Variants in BCKDHA observed in about 807,000 individuals in gnomAD.
The protein encoded by BCKDHA is 2-oxoisovalerate dehydrogenase subunit alpha, mitochondrial.
Under a neutral mutation model 52.2 loss-of-function variants are expected in BCKDHA, and 43 were observed. That is an observed-to-expected ratio of 0.82 (90% CI 0.64 to 1.06). BCKDHA has a LOEUF of 1.06. Among genes scored for constraint, BCKDHA ranks in the 50% least tolerant of loss-of-function variants. The pLI is 0.00. For missense variants in BCKDHA, 527 were observed against 621.3 expected (o/e 0.85, Z 1.61); for synonymous variants, 234 against 247.9 (o/e 0.94, Z 0.53).
rs141991700 is a variant in BCKDHA at position 41,424,540 on chromosome 19, C to A, written c.1270C>A (p.Gln424Lys). Reference sequence around the variant, plus strand: ...GATGCCCGCCCAGCTCCGCAAGCAGCAGGAGTCTCTGGCCCGCCACCTGCA... The same window carrying A: ...GATGCCCGCCCAGCTCCGCAAGCAGAAGGAGTCTCTGGCCCGCCACCTGCA... ...QEMPAQLRKQ[Q>K]ESLARHLQTY... Residue 424 changes from glutamine to lysine, a missense_variant, in exon 9 of 9, where the codon CAG becomes AAG. By Grantham distance (53) the Gln-to-Lys change is moderately conservative. Transcript: ENST00000269980. 6.2e-7 allele frequency: 1 copy of A among 1,614,162 alleles called. No homozygotes were observed. The highest frequency in any genetic ancestry group is 8.5e-7 in the Non-Finnish European group (1 of 1,180,018).
At chr19:41,412,409 TGGA>T (rs2039266132) in intron 3 of BCKDHA, among the ~76,000 whole-genome samples, 3 of 137,188 alleles carry the variant, frequency 2.2e-5, no homozygotes, top group East Asian at 2.1e-4. Flanking sequence ...ACTTTTGAGA[TGGA>T]GTTTTGCTCT....
At chr19:41,411,171 G>A (rs1290947128) in intron 3 of BCKDHA, among the ~76,000 whole-genome samples, 162 bp downstream of exon 3, 1 of 152,188 alleles carries the variant, frequency 6.6e-6, no homozygotes, top group Admixed American at 6.5e-5. Flanking sequence ...AAGTGTGAGA[G>A]CAGTCCTGCC....
intron 1 of BCKDHA, among the ~76,000 whole-genome samples, chr19:41,404,214 G>A (rs938829264): frequency 1.3e-5 from 2 of 151,976 alleles, no homozygotes; most frequent in African/African-American, 2.4e-5. Flanking sequence ...TCCTGGCTTC[G>A]AGTGAACTGC....
chr19:41,403,835 C>G (rs943929348), intron 1 of BCKDHA, among the ~76,000 whole-genome samples: 1 of 152,220 alleles, frequency 6.6e-6, no homozygotes, highest in Non-Finnish European at 1.5e-5. Flanking sequence ...GAGACAGAAC[C>G]AGATTCAAAC....
At chr19:41,406,935 C>G (rs1169521376) in intron 1 of BCKDHA, among the ~76,000 whole-genome samples, 1 of 152,114 alleles carries the variant, frequency 6.6e-6, no homozygotes, top group Non-Finnish European at 1.5e-5. Flanking sequence ...ACTATGTTGC[C>G]TAGGCTGATC....
At chr19:41,420,881 C>T (rs982394781) in intron 5 of BCKDHA, among the ~76,000 whole-genome samples, 1 of 152,224 alleles carries the variant, frequency 6.6e-6, no homozygotes, top group African/African-American at 2.4e-5. Flanking sequence ...GGAGCCCCTT[C>T]CTGTCCTCCG....
intron 1 of BCKDHA, among the ~76,000 whole-genome samples, chr19:41,405,118 GA>G (rs1425244502): frequency 1.3e-5 from 2 of 152,072 alleles, no homozygotes; most frequent in Non-Finnish European, 2.9e-5. Flanking sequence ...ACAATCATGA[GA>G]AATACTTACT....
At chr19:41,411,691 C>T (rs559823412) in intron 3 of BCKDHA, among the ~76,000 whole-genome samples, 4 of 152,258 alleles carry the variant, frequency 2.6e-5, no homozygotes, top group Non-Finnish European at 5.9e-5. Flanking sequence ...ATACTTTAGT[C>T]CCGGCAGTTG....
intron 1 of BCKDHA, among the ~76,000 whole-genome samples, chr19:41,404,223 G>C (rs1264666278): frequency 6.6e-6 from 1 of 152,032 alleles, no homozygotes; most frequent in Non-Finnish European, 1.5e-5. Flanking sequence ...CGAGTGAACT[G>C]CCTGCCCTGG....
At chr19:41,411,112 TG>T (rs1056149241) in intron 3 of BCKDHA, 103 bp downstream of exon 3, 12 of 1,298,676 alleles carry the variant, frequency 9.2e-6, no homozygotes, top group African/African-American at 7.3e-5. Context: ...GATTCTTTTT[TG>T]GGGGGGTTCC....
At position 41,397,887 on chromosome 19, in the gene BCKDHA, T is replaced by C. The variant is rs751351926; in HGVS notation, c.60T>C (p.Ala20=). The C allele has an allele frequency of 5.6e-6, 9 of 1,614,164 alleles. No homozygotes were observed. Among genetic ancestry groups the C allele is most frequent in the South Asian group, 5.5e-5 (5 of 91,086 alleles). The change falls in exon 1 of 9, where the codon GCT becomes GCC. Residue 20 remains alanine, a synonymous_variant. Transcript: ENST00000269980. ...GGCTAAACCGTGGTTTGAGCCAGGC[T>C]GCCCTCCTGCTGCTGCGGCAGCCTG... is the stretch of plus-strand genomic sequence containing the variant. The part of the protein sequence containing the change: ...VWRLNRGLSQ[A]ALLLLRQPGA...
At position 41,410,808 on chromosome 19, in the gene BCKDHA, G is replaced by C. The variant is rs1398036536; in HGVS notation, c.280G>C (p.Asp94His). ...RQGQIINPSEDPHLPKEKVLK... is the reference protein window; with the variant it reads ...RQGQIINPSEHPHLPKEKVLK... ...AGGCCAGATCATCAACCCCAGCGAG[G>C]ACCCCCACGTGAGAGGCGGCCTCCC... Residue 94 changes from aspartate to histidine, a missense_variant, in exon 2 of 9, where the codon GAC (aspartate) becomes CAC (histidine). Physicochemically the swap from Asp to His is moderately conservative, Grantham distance 81. Coordinates refer to ENST00000269980, the MANE Select transcript of BCKDHA (RefSeq NM_000709.4). The C allele has an allele frequency of 6.2e-7, 1 of 1,614,088 alleles. No homozygotes were observed. The highest frequency in any genetic ancestry group is 1.3e-5 in the African/African-American group (1 of 75,006).
At chr19:41,401,767 T>G (rs1347536314) in intron 1 of BCKDHA, among the ~76,000 whole-genome samples, 1 of 151,882 alleles carries the variant, frequency 6.6e-6, no homozygotes, top group Non-Finnish European at 1.5e-5. Context: ...GTGAATAGAG[T>G]CCCTACCCTG....
At chr19:41,409,729 C>T (rs2039231163) in intron 1 of BCKDHA, among the ~76,000 whole-genome samples, 1 of 151,668 alleles carries the variant, frequency 6.6e-6, no homozygotes, top group Non-Finnish European at 1.5e-5. Context: ...GAGGGGTTCT[C>T]CATTTTTATA....
intron 1 of BCKDHA, among the ~76,000 whole-genome samples, chr19:41,408,510 T>G (rs913282702): frequency 5.9e-5 from 9 of 152,150 alleles, no homozygotes; most frequent in African/African-American, 2.2e-4. Flanking sequence ...TGGGTTCATA[T>G]CCCTTTGAGC....
intron 3 of BCKDHA, among the ~76,000 whole-genome samples, chr19:41,413,324 T>C (rs1444295126): frequency 6.6e-6 from 1 of 151,578 alleles, no homozygotes; most frequent in Admixed American, 6.6e-5. Flanking sequence ...GGGACCTGAG[T>C]GCGTGTCTTT....
chr19:41,415,634 G>A (rs1474660165), intron 4 of BCKDHA: 1 of 152,160 alleles, frequency 6.6e-6, no homozygotes, highest in African/African-American at 2.4e-5. Flanking sequence ...ACACCAGAGT[G>A]CTGTTCTTTT....
chr19:41,419,722 G>A (rs931253731), intron 5 of BCKDHA, among the ~76,000 whole-genome samples: 8 of 143,500 alleles, frequency 5.6e-5, no homozygotes, highest in Admixed American at 1.4e-4. Flanking sequence ...GATTACAGGC[G>A]TTTAAGCCAT....
At chr19:41,398,111 A>T (rs1319903911) in intron 1 of BCKDHA, among the ~76,000 whole-genome samples, 176 bp downstream of exon 1, 1 of 152,218 alleles carries the variant, frequency 6.6e-6, no homozygotes, top group African/African-American at 2.4e-5. Context: ...TTAGGAGACG[A>T]AAAGAACTTC....
Sources: allele counts gnomAD v4.1 joint callset (sites outside exome capture counted in the v4.1 genomes callset), GRCh38; gene constraint gnomAD v4.1.1; transcripts MANE v1.5; gene names NCBI Gene and HGNC (gene_info 2026-07-23, HGNC 2026-07-21).